FGF6: variants seen among roughly 807,000 people sequenced by gnomAD.
The protein encoded by FGF6 is FGF-6.
In FGF6, 14 loss-of-function variants were observed where a neutral mutation model predicts 18.4. The observed-to-expected ratio is 0.76, with a 90% CI of 0.50 to 1.19. The LOEUF (loss-of-function observed/expected upper bound fraction) is 1.19. Among genes scored for constraint, FGF6 ranks in the 50% most tolerant of loss-of-function variants. The probability of loss-of-function intolerance (pLI) is 0.00; values close to 1 mark genes in which losing one functional copy is unlikely to be tolerated. For missense variants in FGF6, 266 were observed against 271.6 expected (o/e 0.98, Z 0.15); for synonymous variants, 125 against 116.7 (o/e 1.07, Z -0.46).
chr12:4,442,336 A>G (rs1865701949), intron 2 of FGF6, among the ~76,000 whole-genome samples: 2 of 152,102 alleles, frequency 1.3e-5, no homozygotes, highest in Admixed American at 1.3e-4. Flanking sequence ...TAAATCGTAT[A>G]TTCCCTTCCC....
At chr12:4,435,689 AGT>A (rs1865619770) in intron 2 of FGF6, among the ~76,000 whole-genome samples, 1 of 152,168 alleles carries the variant, frequency 6.6e-6, no homozygotes, top group Non-Finnish European at 1.5e-5. Flanking sequence ...AATTTTGTAG[AGT>A]GTGTGTGGAC....
At chr12:4,436,129 T>C (rs889239348) in intron 2 of FGF6, among the ~76,000 whole-genome samples, 17 of 152,180 alleles carry the variant, frequency 1.1e-4, no homozygotes, top group Non-Finnish European at 2.2e-4. Context: ...GCAGTGTAGC[T>C]GGACGAGAAC....
chr12:4,443,958 C>T (rs774806320), intron 2 of FGF6, among the ~76,000 whole-genome samples, 175 bp downstream of exon 2: 43 of 152,302 alleles, frequency 2.8e-4, no homozygotes, highest in African/African-American at 9.1e-4. Flanking sequence ...GACAATCACC[C>T]GTGAGGCTGA....
rs552646490 is a variant in FGF6, at chr12:4,443,957, C to G, written c.450+176G>C. 7.2e-5 allele frequency among the ~76,000 whole-genome samples: 11 copies of G among 152,300 alleles called. No homozygotes were observed. The South Asian group carries it at 2.3e-3, about 32-fold the overall frequency. On this transcript the variant is annotated intron_variant, in intron 2 of 2. Transcript: ENST00000228837. ...ACGGGCCAGGGCAGAGGACAATCAC[C>G]CGTGAGGCTGAAGAAGCACAAGCTG... is the stretch of plus-strand genomic sequence containing the variant.
At chr12:4,441,203 G>T (rs1565471191) in intron 2 of FGF6, among the ~76,000 whole-genome samples, 1 of 152,222 alleles carries the variant, frequency 6.6e-6, no homozygotes, top group African/African-American at 2.4e-5. Flanking sequence ...AAGGGGGCTA[G>T]AATTCACTGA....
At chr12:4,438,294 G>A (rs1038669719) in intron 2 of FGF6, among the ~76,000 whole-genome samples, 1 of 152,182 alleles carries the variant, frequency 6.6e-6, no homozygotes, top group Non-Finnish European at 1.5e-5. Flanking sequence ...GTCCTCTGAT[G>A]TGTATACTGT....
At chr12:4,434,919 G>T (rs1401180739) in intron 2 of FGF6, among the ~76,000 whole-genome samples, 1 of 152,160 alleles carries the variant, frequency 6.6e-6, no homozygotes, top group Non-Finnish European at 1.5e-5. Context: ...CTTTTCTGCA[G>T]ACTGTGTGTG....
Position 4,444,134 on chromosome 12 carries a change from G to A in FGF6, c.449C>T (p.Thr150Met), listed in dbSNP as rs140216440. ...AMNSKGRLYA[T>M]PSFQEECKFR... Reference sequence around the variant, plus strand: ...ACTTCCCCGGCCTGGTGAACTCACCGTTGCGTACAATCTTCCTTTACTGTT... The same window carrying A: ...ACTTCCCCGGCCTGGTGAACTCACCATTGCGTACAATCTTCCTTTACTGTT... Residue 150 changes from threonine to methionine, a missense_variant and splice_region_variant, in exon 2 of 3, where the codon ACG becomes ATG. Transcript: ENST00000228837. The A allele has an allele frequency of 1.0e-4, 163 of 1,606,178 alleles. No homozygotes were observed. Among genetic ancestry groups the A allele is most frequent in the Non-Finnish European group, 1.3e-4 (147 of 1,173,232 alleles).
Position 4,445,607 on chromosome 12 carries a change from G to T in FGF6, c.-37C>A. 1 of 1,485,058 alleles carries T rather than the reference G, an allele frequency of 6.7e-7. No individual in the cohort carries two copies. The highest frequency in any genetic ancestry group is 9.0e-7 in the Non-Finnish European group (1 of 1,104,992). 92.0% of individuals were successfully genotyped at this position (1,485,058 alleles called of 1,614,324 possible). On this transcript the variant is annotated 5_prime_UTR_variant, in exon 1 of 3. Transcript: ENST00000228837. This position sits in a 1 kb window ranked among gnomAD's most constrained non-coding sequence, Gnocchi z 5.5. Reference sequence around the variant, plus strand: ...CTCAGGCACGTGGTCAGAATTAATGGCCCTAAAAATACCGCCCTTCTTGTT... The same window carrying T: ...CTCAGGCACGTGGTCAGAATTAATGTCCCTAAAAATACCGCCCTTCTTGTT...
chr12:4,444,190 A>G lies in FGF6; in HGVS notation c.393T>C (p.Phe131=). 6.2e-7 allele frequency: 1 copy of G among 1,613,970 alleles called. No homozygotes were observed. The highest frequency in any genetic ancestry group is 1.3e-5 in the African/African-American group (1 of 75,022). The change falls in exon 2 of 3, where the codon TTT becomes TTC. Residue 131 remains phenylalanine, a synonymous_variant. Coordinates refer to ENST00000228837, the MANE Select transcript of FGF6 (RefSeq NM_020996.3). ...STVERGVVSL[F]GVRSALFVAM... ...CAACGAAGAGGGCACTTCTCACTCC[A>G]AAGAGACTCACCACGCCTCGCTCCA...
chr12:4,436,704 G>A (rs1311475444), intron 2 of FGF6, among the ~76,000 whole-genome samples: 1 of 152,170 alleles, frequency 6.6e-6, no homozygotes, highest in Non-Finnish European at 1.5e-5. Flanking sequence ...TGTGAGCGTG[G>A]GTGAGGGGAC....
chr12:4,443,305 G>A (rs1865714196), intron 2 of FGF6, among the ~76,000 whole-genome samples: 1 of 152,140 alleles, frequency 6.6e-6, no homozygotes, highest in Admixed American at 6.5e-5. Flanking sequence ...AAATAACTTT[G>A]ATATTTTTTG....
rs1865648184 is a variant in FGF6, at chr12:4,438,403, A to G, written c.451-4012T>C. ...CCACTCCTAGAAATTTATCTTACTG[A>G]TATATTCCCACACACGCACAAAAGT... On this transcript the variant is annotated intron_variant, in intron 2 of 2. Coordinates refer to ENST00000228837, the MANE Select transcript of FGF6 (RefSeq NM_020996.3). Among the ~76,000 whole-genome samples the G allele has an allele frequency of 2.6e-5, 4 of 152,296 alleles. No individual in the cohort carries two copies. In the South Asian group the frequency reaches 8.3e-4, roughly 32 times the overall value.
intron 2 of FGF6, among the ~76,000 whole-genome samples, chr12:4,436,875 CG>C (rs918682685): frequency 3.3e-5 from 5 of 152,126 alleles, no homozygotes; most frequent in African/African-American, 1.2e-4. Context: ...AATGCCACAC[CG>C]GGGGGTGGGT....
intron 2 of FGF6, 77 bp downstream of exon 2, chr12:4,444,056 G>T: frequency 1.1e-6 from 1 of 921,832 alleles, no homozygotes; most frequent in Non-Finnish European, 1.7e-6. Context: ...CTCTACTCAG[G>T]ACTTCATATT....
At chr12:4,441,017 T>C (rs1865683811) in intron 2 of FGF6, among the ~76,000 whole-genome samples, 1 of 152,266 alleles carries the variant, frequency 6.6e-6, no homozygotes, top group African/African-American at 2.4e-5. Context: ...TGTCATACTG[T>C]TGACGAAAAG....
rs1358707570 is a variant in FGF6, at chr12:4,445,098, A to G, written c.346+127T>C. On this transcript the variant is annotated intron_variant, in intron 1 of 2. Transcript: ENST00000228837. The surrounding 1 kb of genome is among the most constrained non-coding windows in gnomAD (Gnocchi z 5.5). ...CAGGCAGGGTCACGTGGAATCATCT[A>G]AGTGGTGAGCAGCATTTCTGCCCCC... 3.7e-6 allele frequency: 3 copies of G among 801,950 alleles called. No individual in the cohort carries two copies. The highest frequency in any genetic ancestry group is 5.4e-5 in the East Asian group (2 of 37,320). 49.7% of individuals were successfully genotyped at this position (801,950 alleles called of 1,614,324 possible).
chr12:4,434,151 G>T lies in FGF6; in HGVS notation c.*64C>A. On this transcript the variant is annotated 3_prime_UTR_variant, in exon 3 of 3. Coordinates refer to ENST00000228837, the MANE Select transcript of FGF6 (RefSeq NM_020996.3). ...CCATGGAGGGCAAGGGGAATTCTTC[G>T]CTGGTGCAAAATTTCAATCGAACAG... The T allele has an allele frequency of 2.6e-6, 4 of 1,551,112 alleles. No individual in the cohort carries two copies. The South Asian group carries it at 4.6e-5, about 18-fold the overall frequency.
At position 4,445,551 on chromosome 12, in the gene FGF6, A is replaced by T. The variant is rs113373093; in HGVS notation, c.20T>A (p.Leu7Gln). 53 of 1,599,598 alleles carry T rather than the reference A, an allele frequency of 3.3e-5. 2 individuals carry two copies. In the African/African-American group the frequency reaches 3.5e-4, roughly 10 times the overall value. MALGQKLFITMSRGAGR... is the reference protein window; with the variant it reads MALGQKQFITMSRGAGR... Reference sequence around the variant, plus strand: ...TGCTCCCCGGGACATAGTGATGAACAGTTTCTGTCCCAGGGCCATCCACCT... The same window carrying T: ...TGCTCCCCGGGACATAGTGATGAACTGTTTCTGTCCCAGGGCCATCCACCT... The change falls in exon 1 of 3, where the codon CTG becomes CAG. Residue 7 changes from leucine (L) to glutamine (Q), a missense_variant. By Grantham distance (113) the Leu-to-Gln change is moderately radical (BLOSUM62 -2). Transcript: ENST00000228837. The surrounding 1 kb of genome is among the most constrained non-coding windows in gnomAD (Gnocchi z 5.5).
Sources: allele counts gnomAD v4.1 joint callset (sites outside exome capture counted in the v4.1 genomes callset), GRCh38; gene constraint gnomAD v4.1.1; non-coding constraint Gnocchi (gnomAD v3.1); transcripts MANE v1.5; gene names NCBI Gene and HGNC (gene_info 2026-07-23, HGNC 2026-07-21).